MAGI3: variants seen among roughly 807,000 people sequenced by gnomAD.
MAGI3 encodes membrane associated guanylate kinase, WW and PDZ domain containing 3.
MAGI3 carries 43 observed loss-of-function variants against 121.8 expected under a neutral mutation model. That is an observed-to-expected ratio of 0.35 (90% CI 0.28 to 0.46). The LOEUF (loss-of-function observed/expected upper bound fraction) is 0.46, where lower values mean the gene tolerates loss of function less well. MAGI3 is among the 20% of genes least tolerant of loss of function. The probability of loss-of-function intolerance (pLI) is 1.00; values close to 1 mark genes in which losing one functional copy is unlikely to be tolerated. For synonymous variants in MAGI3, 553 were observed against 639.3 expected (o/e 0.86, Z 2.04); for missense variants, 1,547 against 1,797.3 (o/e 0.86, Z 2.52).
At chr1:113,644,244 A>G (rs1002587156) in intron 11 of MAGI3, among the ~76,000 whole-genome samples, 18 of 152,048 alleles carry the variant, frequency 1.2e-4, no homozygotes, top group African/African-American at 4.1e-4. Flanking sequence ...TACTTTTAAG[A>G]CTAAATTAGG....
chr1:113,464,282 A>T (rs1655169341), intron 1 of MAGI3, among the ~76,000 whole-genome samples: 1 of 151,998 alleles, frequency 6.6e-6, no homozygotes. Context: ...TTATTTCTTG[A>T]CATAATTACC....
Position 113,391,045 on chromosome 1 carries a change from G to T in MAGI3, c.12G>T (p.Thr4=), listed in dbSNP as rs1478219799. 6.3e-7 allele frequency: 1 copy of T among 1,587,228 alleles called. No individual in the cohort carries two copies. Among genetic ancestry groups the T allele is most frequent in the Admixed American group, 1.8e-5 (1 of 56,854 alleles). Residue 4 remains threonine (T), a synonymous_variant, in exon 1 of 21, where the codon ACG becomes ACT. Coordinates refer to ENST00000307546, the MANE Select transcript of MAGI3 (RefSeq NM_001142782.2). The surrounding 1 kb of genome is among the most constrained non-coding windows in gnomAD (Gnocchi z 4.4). MSK[T]LKKKKHWLSK... Reference sequence around the variant, plus strand: ...CAGCGGGGTTCGGGATGTCGAAGACGCTGAAGAAGAAGAAGCACTGGCTCA... The same window carrying T: ...CAGCGGGGTTCGGGATGTCGAAGACTCTGAAGAAGAAGAAGCACTGGCTCA...
intron 19 of MAGI3, 139 bp downstream of exon 19, chr1:113,673,604 AG>A: frequency 3.3e-6 from 3 of 903,468 alleles, no homozygotes; most frequent in Non-Finnish European, 4.9e-6. Flanking sequence ...TAGCTAAAAA[AG>A]GCAAATGCTT....
chr1:113,422,890 G>T lies in MAGI3; in HGVS notation c.316+31541G>T, dbSNP rs961853446. 8.5e-5 allele frequency among the ~76,000 whole-genome samples: 13 copies of T among 152,216 alleles called. No homozygotes were observed. Among genetic ancestry groups the T allele is most frequent in the Non-Finnish European group, 1.6e-4 (11 of 68,048 alleles). ...ACCGCTACTTCCCATTGCATGTGTG[G>T]CTGCCTGGTGCGGTGGAGGGCGGGA... On this transcript the variant is annotated intron_variant, in intron 1 of 20. Transcript: ENST00000307546. This position sits in a 1 kb window ranked among gnomAD's most constrained non-coding sequence, Gnocchi z 4.3.
rs546258462 is a variant in MAGI3 at position 113,616,343 on chromosome 1, A to T, written c.1076+1685A>T. Reference sequence around the variant, plus strand: ...GTACTCAAGATGCACATTAGTATGGAGTCAGCTGAGCTGTGGAGTGTGGCT... The same window carrying T: ...GTACTCAAGATGCACATTAGTATGGTGTCAGCTGAGCTGTGGAGTGTGGCT... On this transcript the variant is annotated intron_variant, in intron 7 of 20. Transcript: ENST00000307546. Among the ~76,000 whole-genome samples the T allele has an allele frequency of 1.4e-3, 210 of 152,342 alleles. 4 individuals carry two copies. The South Asian group carries it at 0.042, about 30-fold the overall frequency.
At chr1:113,399,517 T>G (rs568746495) in intron 1 of MAGI3, among the ~76,000 whole-genome samples, 4 of 152,238 alleles carry the variant, frequency 2.6e-5, no homozygotes, top group Middle Eastern at 6.8e-3. Context: ...AAACTATCAT[T>G]TTTAGAAAAA....
intron 1 of MAGI3, among the ~76,000 whole-genome samples, chr1:113,405,352 G>A (rs1651616771): frequency 6.6e-6 from 1 of 151,766 alleles, no homozygotes; most frequent in African/African-American, 2.4e-5. Context: ...GGTGGTGTGT[G>A]CCTGTATTCC....
chr1:113,479,627 A>T (rs190768310), intron 1 of MAGI3, among the ~76,000 whole-genome samples: 1 of 152,064 alleles, frequency 6.6e-6, no homozygotes, highest in African/African-American at 2.4e-5. Context: ...ATGGATTTGG[A>T]TGTTCATTTT....
intron 1 of MAGI3, among the ~76,000 whole-genome samples, chr1:113,441,356 G>A (rs1653903199): frequency 6.6e-6 from 1 of 152,146 alleles, no homozygotes; most frequent in Non-Finnish European, 1.5e-5. Flanking sequence ...GGAGAGAAGA[G>A]GAAAACTGAA....
chr1:113,401,375 C>G (rs889855673), intron 1 of MAGI3, among the ~76,000 whole-genome samples: 9 of 152,076 alleles, frequency 5.9e-5, no homozygotes, highest in African/African-American at 2.2e-4. Context: ...TGTTTCAAAA[C>G]AGAGTTTGTG....
intron 2 of MAGI3, among the ~76,000 whole-genome samples, chr1:113,558,863 A>C (rs760601884): frequency 9.2e-5 from 14 of 152,198 alleles, no homozygotes; most frequent in Non-Finnish European, 1.8e-4. Context: ...AAAACAGTGG[A>C]CCTCTCAGCA....
At chr1:113,535,317 A>G (rs17508163) in intron 1 of MAGI3, among the ~76,000 whole-genome samples, 35,169 of 151,974 alleles carry the variant, frequency 0.23, 5,070 homozygotes, top group South Asian at 0.39. Flanking sequence ...AAACCTCTCA[A>G]TAGAAAGTTA....
At chr1:113,597,709 C>A (rs949908115) in intron 6 of MAGI3, among the ~76,000 whole-genome samples, 3 of 152,140 alleles carry the variant, frequency 2.0e-5, no homozygotes, top group Non-Finnish European at 2.9e-5. Context: ...CTATCTTTAA[C>A]CACCTTAAAC....
intron 1 of MAGI3, among the ~76,000 whole-genome samples, chr1:113,405,762 T>A (rs1651651177): frequency 6.6e-6 from 1 of 152,062 alleles, no homozygotes; most frequent in Admixed American, 6.6e-5. Flanking sequence ...CCCTCTGCAG[T>A]TTTGTTTTCT....
At chr1:113,450,030 A>G (rs1192853765) in intron 1 of MAGI3, 1 of 1,559,986 alleles carries the variant, frequency 6.4e-7, no homozygotes, top group South Asian at 1.1e-5. Flanking sequence ...TGTTGGTGGT[A>G]TTAAAGAAGA....
intron 9 of MAGI3, among the ~76,000 whole-genome samples, chr1:113,624,332 T>TG (rs1218666416): frequency 6.6e-6 from 1 of 152,192 alleles, no homozygotes; most frequent in Non-Finnish European, 1.5e-5. Context: ...CAACAGTGTA[T>TG]GAGGGTTCCC....
chr1:113,630,085 G>A (rs932634659), intron 9 of MAGI3, among the ~76,000 whole-genome samples: 8 of 152,232 alleles, frequency 5.3e-5, no homozygotes, highest in Admixed American at 3.9e-4. Context: ...TCGTCTGGGA[G>A]CTAGGGATTG....
At chr1:113,405,012 C>G (rs538876338) in intron 1 of MAGI3, among the ~76,000 whole-genome samples, 2 of 152,148 alleles carry the variant, frequency 1.3e-5, no homozygotes, top group African/African-American at 4.8e-5. Context: ...TATGTGCCAT[C>G]TTCTCATGAA....
At chr1:113,459,796 A>G (rs1235591624) in intron 1 of MAGI3, among the ~76,000 whole-genome samples, 1 of 152,184 alleles carries the variant, frequency 6.6e-6, no homozygotes, top group Non-Finnish European at 1.5e-5. Flanking sequence ...CCAACCAAAA[A>G]AAGCCTGGGA....
Sources: allele counts gnomAD v4.1 joint callset (sites outside exome capture counted in the v4.1 genomes callset), GRCh38; gene constraint gnomAD v4.1.1; non-coding constraint Gnocchi (gnomAD v3.1); transcripts MANE v1.5; gene names NCBI Gene and HGNC (gene_info 2026-07-23, HGNC 2026-07-21).